The following GTSF1 variants were observed in gnomAD, a reference collection of about 807,000 sequenced individuals.
GTSF1 encodes the protein gametocyte-specific factor 1.
Under a neutral mutation model 28.9 loss-of-function variants are expected in GTSF1, and 11 were observed. The ratio of observed to expected loss-of-function variants is 0.38; its 90% CI spans 0.24 to 0.63. The LOEUF (loss-of-function observed/expected upper bound fraction) is 0.63. Among genes scored for constraint, GTSF1 ranks in the 30% least tolerant of loss-of-function variants. The pLI is 0.56. For missense variants in GTSF1, 146 were observed against 201.0 expected, an observed-to-expected ratio of 0.73 and a Z score of 1.66; for synonymous variants, 69 against 65.6, an observed-to-expected ratio of 1.05 and a Z score of -0.25.
At chr12:54,462,759 G>T (rs776719872) in intron 4 of GTSF1, 34 bp from the exon 5 acceptor site, 46 of 1,549,238 alleles carry the variant, frequency 3.0e-5, no homozygotes, top group Non-Finnish European at 3.9e-5. Flanking sequence ...ATAAGAGGGG[G>T]ATATTGCCAA....
At chr12:54,462,267 T>C (rs1956434613) in intron 5 of GTSF1, 95 bp from the exon 6 acceptor site, 2 of 880,176 alleles carry the variant, frequency 2.3e-6, no homozygotes, top group Non-Finnish European at 3.7e-6. Flanking sequence ...ATAATACACC[T>C]AAGTTTTGCA....
intron 2 of GTSF1, among the ~76,000 whole-genome samples, chr12:54,467,894 C>T (rs1956543022): frequency 6.6e-6 from 1 of 151,898 alleles, no homozygotes; most frequent in Non-Finnish European, 1.5e-5. Context: ...CTGCCTCAGC[C>T]TCCCAAATAG....
intron 3 of GTSF1, chr12:54,464,793 A>G (rs1956483779): frequency 1.0e-5 from 2 of 199,476 alleles, no homozygotes; most frequent in South Asian, 1.2e-4. Context: ...TTGTTAGCCA[A>G]AATTAGTCTG....
chr12:54,460,206 G>A (rs149277627), intron 7 of GTSF1, among the ~76,000 whole-genome samples, 171 bp downstream of exon 7: 25 of 152,206 alleles, frequency 1.6e-4, no homozygotes, highest in African/African-American at 5.5e-4. Flanking sequence ...TCCTAACCAC[G>A]GTCAGTAGGG....
intron 2 of GTSF1, among the ~76,000 whole-genome samples, chr12:54,465,431 T>C (rs1315898081): frequency 6.6e-6 from 1 of 152,192 alleles, no homozygotes; most frequent in African/African-American, 2.4e-5. Flanking sequence ...GTTACTCTTA[T>C]TATAAAACAA....
chr12:54,457,041 C>A (rs928427078), intron 8 of GTSF1, among the ~76,000 whole-genome samples: 6 of 152,122 alleles, frequency 3.9e-5, no homozygotes, highest in African/African-American at 9.7e-5. Context: ...GCCGAGATTG[C>A]GCCACTGCAC....
At chr12:54,459,722 CTTT>C (rs760438714) in intron 7 of GTSF1, 439 of 133,344 alleles carry the variant, frequency 3.3e-3, no homozygotes, top group South Asian at 8.6e-3. Context: ...GATATTATGC[CTTT>C]TTTTTTTTTT....
At chr12:54,459,828 G>A (rs1956393989) in intron 7 of GTSF1, among the ~76,000 whole-genome samples, 2 of 121,174 alleles carry the variant, frequency 1.7e-5, no homozygotes, top group South Asian at 5.3e-4. Context: ...CCGGGTTCAC[G>A]CCATTCTCCT....
intron 2 of GTSF1, among the ~76,000 whole-genome samples, chr12:54,467,385 G>A (rs777258005): frequency 1.3e-5 from 2 of 151,532 alleles, no homozygotes; most frequent in Non-Finnish European, 2.9e-5. Context: ...CACGATCTTG[G>A]CTCACTGCAA....
At chr12:54,471,399 C>T (rs1956592404) in intron 1 of GTSF1, 122 bp from the exon 2 acceptor site, 2 of 507,210 alleles carry the variant, frequency 3.9e-6, no homozygotes, top group Non-Finnish European at 7.0e-6. Flanking sequence ...AACCTTTACT[C>T]TCCCCACTCC....
At chr12:54,462,490 G>A (rs1425003956) in intron 5 of GTSF1, 152 bp downstream of exon 5, 9 of 675,870 alleles carry the variant, frequency 1.3e-5, no homozygotes, top group South Asian at 5.5e-5. Flanking sequence ...TCTGCACAGC[G>A]ATACAAATGT....
At chr12:54,459,628 TCTTATGA>T (rs1439730920) in intron 7 of GTSF1, 10 of 280,304 alleles carry the variant, frequency 3.6e-5, no homozygotes, top group Non-Finnish European at 6.7e-5. Flanking sequence ...TTATGCTGGT[TCTTATGA>T]CTTATGACTT....
chr12:54,460,643 T>TA (rs1956406953), intron 6 of GTSF1, among the ~76,000 whole-genome samples, 172 bp from the exon 7 acceptor site: 3 of 152,364 alleles, frequency 2.0e-5, no homozygotes, highest in South Asian at 4.1e-4. Flanking sequence ...GATTACCACT[T>TA]ACTTCTCTGG....
Position 54,459,133 on chromosome 12 carries a change from T to TA in GTSF1, c.488-9dup, listed in dbSNP as rs1261979302. On this transcript the variant is annotated splice_polypyrimidine_tract_variant and intron_variant, in intron 7 of 8. Transcript: ENST00000305879. The stretch of plus-strand genomic sequence containing the variant: ...GTTACTGTGCATTTCCATCTACAAG[T>TA]AGAAATATTTCAAAATAAATACACC... 9 of 1,603,036 alleles carry TA rather than the reference T, an allele frequency of 5.6e-6. No individual in the cohort carries two copies. The South Asian group carries it at 7.8e-5, about 14-fold the overall frequency.
At chr12:54,472,135 GCAGGTTAC>G (rs146066899) in intron 1 of GTSF1, 15,997 of 152,140 alleles carry the variant, frequency 0.11, 991 homozygotes, top group African/African-American at 0.17. Context: ...ATACAGATAG[GCAGGTTAC>G]CAGTCTTGTT....
chr12:54,464,340 G>A (rs1314635986), intron 3 of GTSF1, among the ~76,000 whole-genome samples: 1 of 152,184 alleles, frequency 6.6e-6, no homozygotes. Context: ...ATTAAAAGGA[G>A]CTGGAGAAAT....
chr12:54,472,036 G>T (rs1319816959), intron 1 of GTSF1: 2 of 152,144 alleles, frequency 1.3e-5, no homozygotes, highest in African/African-American at 4.8e-5. Flanking sequence ...AATGGAGTGA[G>T]ATCCTGTCTT....
At position 54,460,429 on chromosome 12, in the gene GTSF1, A is replaced by T; in HGVS notation, c.435T>A (p.Ala145=). ...NIVTEHKNNL[A]SGMRVPKSLP... is the part of the protein sequence containing the mutation. ...GAGATTTGGGAACTCGCATGCCTGA[A>T]GCCAGGTTATTCTTATGTTCTGTAA... is the stretch of plus-strand genomic sequence containing the variant. Residue 145 remains alanine, a synonymous_variant, in exon 7 of 9, where the codon GCT becomes GCA. Transcript: ENST00000305879. 3 of 1,614,092 alleles carry T rather than the reference A, an allele frequency of 1.9e-6. No homozygotes were observed. Among genetic ancestry groups the T allele is most frequent in the Non-Finnish European group, 2.5e-6 (3 of 1,179,982 alleles).
chr12:54,466,106 T>C (rs1056950087), intron 2 of GTSF1, among the ~76,000 whole-genome samples: 1 of 152,168 alleles, frequency 6.6e-6, no homozygotes, highest in African/African-American at 2.4e-5. Flanking sequence ...TAAAATGCTA[T>C]TTAAAACAAC....
Sources: allele counts gnomAD v4.1 joint callset (sites outside exome capture counted in the v4.1 genomes callset), GRCh38; gene constraint gnomAD v4.1.1; transcripts MANE v1.5; gene names NCBI Gene and HGNC (gene_info 2026-07-23, HGNC 2026-07-21).